The following STARD9 variants were observed in gnomAD, a reference collection of about 807,000 sequenced individuals.
STARD9 encodes the protein stAR-related lipid transfer protein 9.
Under a neutral mutation model 399.8 loss-of-function variants are expected in STARD9, and 346 were observed. The observed-to-expected ratio is 0.87, with a 90% CI of 0.79 to 0.95. STARD9 has a LOEUF of 0.95. Among genes scored for constraint, STARD9 ranks in the 40% least tolerant of loss-of-function variants. The pLI is 0.00. For missense variants in STARD9, 5,832 were observed against 5,667.5 expected (o/e 1.03, Z -0.93); for synonymous variants, 2,203 against 2,143.5 (o/e 1.03, Z -0.77).
chr15:42,620,479 CA>C (rs764763187), intron 3 of STARD9, among the ~76,000 whole-genome samples: 65 of 142,804 alleles, frequency 4.6e-4, no homozygotes, highest in Admixed American at 4.2e-4. Flanking sequence ...AGACCTGTCT[CA>C]AAAAAAAAAA....
chr15:42,588,954 A>G (rs1410662486), intron 3 of STARD9, among the ~76,000 whole-genome samples: 2 of 151,802 alleles, frequency 1.3e-5, no homozygotes, highest in African/African-American at 2.4e-5. Flanking sequence ...AGCTGGGACT[A>G]CAAGCGTGTG....
At chr15:42,604,948 C>G (rs2058699890) in intron 3 of STARD9, among the ~76,000 whole-genome samples, 1 of 151,958 alleles carries the variant, frequency 6.6e-6, no homozygotes, top group Non-Finnish European at 1.5e-5. Flanking sequence ...TGACCTGGAT[C>G]GAATGGAATT....
At chr15:42,708,790 G>C (rs897959052) in intron 26 of STARD9, among the ~76,000 whole-genome samples, 3 of 151,996 alleles carry the variant, frequency 2.0e-5, no homozygotes, top group Non-Finnish European at 2.9e-5. Context: ...ACTACAAAAG[G>C]ATCGTGTCTG....
intron 7 of STARD9, among the ~76,000 whole-genome samples, chr15:42,648,699 G>A (rs1317026698): frequency 6.6e-6 from 1 of 152,066 alleles, no homozygotes; most frequent in Non-Finnish European, 1.5e-5. Context: ...TTCTTGAATT[G>A]TGCTTTTGTA....
chr15:42,650,925 T>C, intron 7 of STARD9, 91 bp from the exon 8 acceptor site: 6 of 849,802 alleles, frequency 7.1e-6, no homozygotes, highest in Non-Finnish European at 1.0e-5. Flanking sequence ...TTAAACAATA[T>C]GAAATAGGAA....
intron 9 of STARD9, among the ~76,000 whole-genome samples, chr15:42,656,327 T>TAAAAAAAAAAAAAA (rs869264641): frequency 1.7e-4 from 6 of 35,342 alleles, no homozygotes; most frequent in Non-Finnish European, 2.5e-4. Context: ...AGCCATCTCC[T>TAAAAAAAAAAAAAA]AAAAAAAAAA....
intron 3 of STARD9, among the ~76,000 whole-genome samples, chr15:42,609,357 T>A (rs1302791802): frequency 6.6e-6 from 1 of 152,206 alleles, no homozygotes; most frequent in Non-Finnish European, 1.5e-5. Context: ...ATGAACACAC[T>A]TCTGCAGAAG....
chr15:42,638,531 A>T (rs2059464403), intron 6 of STARD9, among the ~76,000 whole-genome samples, 169 bp from the exon 7 acceptor site: 1 of 152,086 alleles, frequency 6.6e-6, no homozygotes, highest in Admixed American at 6.5e-5. Flanking sequence ...AAAAAACTCT[A>T]TTGTATATGT....
chr15:42,690,644 A>G lies in STARD9; in HGVS notation c.9066A>G (p.Thr3022=). 6.5e-7 allele frequency: 1 copy of G among 1,537,224 alleles called. No homozygotes were observed. Among genetic ancestry groups the G allele is most frequent in the Non-Finnish European group, 8.7e-7 (1 of 1,146,898 alleles). Residue 3022 remains threonine, a synonymous_variant, in exon 23 of 33, where the codon ACA becomes ACG. Coordinates refer to ENST00000290607, the MANE Select transcript of STARD9 (RefSeq NM_020759.3). ...CTAGGGGACCTGATGTGCACTTGAC[A>G]CATGGCCTTGAGCCCAAAGATGTTA... ...EISRGPDVHL[T]HGLEPKDVNR...
At chr15:42,643,475 C>A (rs767425815) in intron 7 of STARD9, among the ~76,000 whole-genome samples, 42 of 151,702 alleles carry the variant, frequency 2.8e-4, no homozygotes, top group Non-Finnish European at 1.0e-4. Flanking sequence ...GGATTACAGG[C>A]GTGAGCCACT....
intron 9 of STARD9, among the ~76,000 whole-genome samples, chr15:42,660,716 A>G (rs2059978726): frequency 6.6e-6 from 1 of 151,974 alleles, no homozygotes; most frequent in Non-Finnish European, 1.5e-5. Flanking sequence ...CTTACAGGGC[A>G]GAGTTTCTAC....
intron 2 of STARD9, 111 bp downstream of exon 2, chr15:42,583,526 G>A: frequency 1.4e-6 from 1 of 722,314 alleles, no homozygotes; most frequent in South Asian, 1.9e-5. Context: ...GGGAGGAAGG[G>A]GTATATAAGA....
intron 3 of STARD9, among the ~76,000 whole-genome samples, chr15:42,625,984 C>T (rs549202838): frequency 6.4e-4 from 97 of 152,166 alleles, no homozygotes; most frequent in Non-Finnish European, 1.1e-3. Flanking sequence ...CACAGTGGTG[C>T]GATATCGGCT....
At chr15:42,704,684 G>A (rs1445960987) in intron 26 of STARD9, among the ~76,000 whole-genome samples, 1 of 152,202 alleles carries the variant, frequency 6.6e-6, no homozygotes, top group Non-Finnish European at 1.5e-5. Flanking sequence ...CCCACCTCGT[G>A]TGGTAATGCT....
At chr15:42,718,243 TGGGGGATAGA>T (rs2061388081) in intron 30 of STARD9, 64 bp downstream of exon 30, 1 of 1,461,188 alleles carries the variant, frequency 6.8e-7, no homozygotes, top group Non-Finnish European at 9.3e-7. Context: ...GGGGTCTTGC[TGGGGGATAGA>T]GGTGGAGGGT....
chr15:42,623,240 G>A (rs539670373), intron 3 of STARD9, among the ~76,000 whole-genome samples: 1 of 151,392 alleles, frequency 6.6e-6, no homozygotes, highest in African/African-American at 2.4e-5. Context: ...CAACAAGAGC[G>A]AAACTCTGTC....
intron 21 of STARD9, 129 bp downstream of exon 21, chr15:42,681,741 C>CT (rs2060432833): frequency 1.1e-6 from 1 of 877,892 alleles, no homozygotes; most frequent in Non-Finnish European, 1.7e-6. Context: ...TAGGTGTTCT[C>CT]TTTTCTTTTA....
Position 42,685,029 on chromosome 15 carries a change from C to G in STARD9, c.3451C>G (p.Leu1151Val). ...SDDSQLSEDS[L>V]AEKRYQSPKN... is the part of the protein sequence containing the mutation. ...TGACAGCCAACTATCTGAGGACTCA[C>G]TGGCTGAGAAGAGGTACCAAAGCCC... Residue 1151 changes from leucine (L) to valine (V), a missense_variant, in exon 23 of 33, where the codon CTG becomes GTG. Physicochemically the swap from Leu to Val is conservative, Grantham distance 32 (BLOSUM62 1). Transcript: ENST00000290607. The G allele has an allele frequency of 6.5e-7, 1 of 1,537,236 alleles. No individual in the cohort carries two copies. The highest frequency in any genetic ancestry group is 8.7e-7 in the Non-Finnish European group (1 of 1,146,940).
chr15:42,661,105 G>A, intron 9 of STARD9, 53 bp from the exon 10 acceptor site: 1 of 1,349,234 alleles, frequency 7.4e-7, no homozygotes, highest in Non-Finnish European at 1.0e-6. Context: ...GTTCTAAGGG[G>A]AAAACAATAC....
Sources: allele counts gnomAD v4.1 joint callset (sites outside exome capture counted in the v4.1 genomes callset), GRCh38; gene constraint gnomAD v4.1.1; transcripts MANE v1.5; gene names NCBI Gene and HGNC (gene_info 2026-07-23, HGNC 2026-07-21).